The following PCDH9 variants were observed in gnomAD, a reference collection of about 807,000 sequenced individuals.
PCDH9 encodes the protein protocadherin-9.
PCDH9 carries 24 observed loss-of-function variants against 70.6 expected under a neutral mutation model. That is an observed-to-expected ratio of 0.34 (90% CI 0.25 to 0.48). The LOEUF is 0.48. Ranked by LOEUF, PCDH9 falls within the 20% of genes least tolerant of loss-of-function variation. The pLI, the probability that PCDH9 is intolerant of heterozygous loss-of-function variation, is 0.99. For synonymous variants in PCDH9, 562 were observed against 558.5 expected, an observed-to-expected ratio of 1.01 and a Z score of -0.09; for missense variants, 1,281 against 1,503.6, an observed-to-expected ratio of 0.85 and a Z score of 2.45.
At chr13:66,437,959 C>T (rs146828652) in intron 4 of PCDH9, among the ~76,000 whole-genome samples, 4 of 152,150 alleles carry the variant, frequency 2.6e-5, no homozygotes, top group African/African-American at 4.8e-5. Flanking sequence ...TAGGGCTGGG[C>T]GCGGTGGCTC....
intron 4 of PCDH9, among the ~76,000 whole-genome samples, chr13:66,445,393 C>T (rs547485703): frequency 3.4e-5 from 5 of 146,024 alleles, no homozygotes; most frequent in South Asian, 2.1e-4. Context: ...CATATATACA[C>T]GCTGTTCTAT....
chr13:66,902,878 T>C (rs898204718), intron 3 of PCDH9, among the ~76,000 whole-genome samples: 2 of 151,730 alleles, frequency 1.3e-5, no homozygotes, highest in Non-Finnish European at 3.0e-5. Flanking sequence ...TAATTGGCAC[T>C]GGAAAAACCC....
chr13:67,186,815 C>G (rs1264624832), intron 2 of PCDH9, among the ~76,000 whole-genome samples: 3 of 152,042 alleles, frequency 2.0e-5, no homozygotes, highest in African/African-American at 4.8e-5. Context: ...TAAATATACA[C>G]ATTAACTGAC....
chr13:67,124,391 T>C (rs1484754792), intron 2 of PCDH9, among the ~76,000 whole-genome samples: 5 of 152,190 alleles, frequency 3.3e-5, no homozygotes, highest in African/African-American at 1.2e-4. Context: ...CCAATATGTA[T>C]GCAGGAATAT....
intron 4 of PCDH9, among the ~76,000 whole-genome samples, chr13:66,468,269 A>C (rs981163873): frequency 3.9e-5 from 6 of 152,014 alleles, no homozygotes; most frequent in Non-Finnish European, 8.8e-5. Flanking sequence ...CAATCTGTCA[A>C]CACCCCATCT....
At chr13:66,516,495 A>G (rs1157907981) in intron 4 of PCDH9, among the ~76,000 whole-genome samples, 1 of 152,118 alleles carries the variant, frequency 6.6e-6, no homozygotes, top group Non-Finnish European at 1.5e-5. Context: ...GCCAAATTAG[A>G]AAAGTTCTGA....
At chr13:66,620,226 C>T (rs1479133896) in intron 4 of PCDH9, among the ~76,000 whole-genome samples, 1 of 152,122 alleles carries the variant, frequency 6.6e-6, no homozygotes, top group African/African-American at 2.4e-5. Flanking sequence ...AAGTAAGTGA[C>T]AATTCATTTA....
Position 67,226,463 on chromosome 13 carries a change from T to G in PCDH9, c.1978A>C (p.Lys660Gln). 6.2e-7 allele frequency: 1 copy of G among 1,614,076 alleles called. No individual in the cohort carries two copies. Among genetic ancestry groups the G allele is most frequent in the South Asian group, 1.1e-5 (1 of 91,070 alleles). Residue 660 changes from lysine (K) to glutamine (Q), a missense_variant, in exon 2 of 5, where the codon AAA (lysine) becomes CAA (glutamine). Coordinates refer to ENST00000377865, the MANE Select transcript of PCDH9 (RefSeq NM_203487.3). The surrounding 1 kb of genome is among the most constrained non-coding windows in gnomAD (Gnocchi z 5.0). ...GGQPPRSSTA[K>Q]VTINVMDVND... The stretch of plus-strand genomic sequence containing the variant: ...ACATCCATGACGTTGATAGTTACTT[T>G]TGCAGTAGAGGAACGAGGTGGTTGT...
At chr13:66,326,581 G>A (rs1446271524) in intron 4 of PCDH9, among the ~76,000 whole-genome samples, 1 of 151,962 alleles carries the variant, frequency 6.6e-6, no homozygotes, top group Admixed American at 6.6e-5. Context: ...ACCACGCCCG[G>A]ATGATTTTTT....
intron 4 of PCDH9, among the ~76,000 whole-genome samples, chr13:66,357,690 G>C (rs552209632): frequency 3.3e-5 from 5 of 151,974 alleles, no homozygotes; most frequent in Non-Finnish European, 7.4e-5. Context: ...TACACTGCAA[G>C]ACCGTGACGA....
At chr13:66,965,622 T>C (rs2083421973) in intron 2 of PCDH9, among the ~76,000 whole-genome samples, 1 of 152,062 alleles carries the variant, frequency 6.6e-6, no homozygotes, top group African/African-American at 2.4e-5. Context: ...GTCGGGGCCA[T>C]CACATCTTAG....
intron 4 of PCDH9, among the ~76,000 whole-genome samples, chr13:66,499,866 G>A (rs1959167625): frequency 6.6e-6 from 1 of 152,130 alleles, no homozygotes; most frequent in South Asian, 2.1e-4. Flanking sequence ...CAAGAGAGCT[G>A]GTTGTTTCAG....
chr13:66,977,493 T>G (rs967150605), intron 2 of PCDH9: 1 of 152,136 alleles, frequency 6.6e-6, no homozygotes, highest in Non-Finnish European at 1.5e-5. Context: ...CTACTTAAGA[T>G]TCTGTTGTCT....
intron 3 of PCDH9, among the ~76,000 whole-genome samples, chr13:66,853,305 C>A (rs2081344725): frequency 1.3e-5 from 2 of 151,826 alleles, no homozygotes; most frequent in Admixed American, 1.3e-4. Context: ...AGGAATCTTT[C>A]TGGTCTCCAT....
intron 4 of PCDH9, among the ~76,000 whole-genome samples, chr13:66,344,419 C>A (rs1357230882): frequency 6.6e-6 from 1 of 152,280 alleles, no homozygotes; most frequent in East Asian, 1.9e-4. Context: ...AGCTACCATG[C>A]CCGGCCAATA....
intron 4 of PCDH9, among the ~76,000 whole-genome samples, chr13:66,595,062 C>T (rs1321611847): frequency 1.3e-5 from 2 of 151,210 alleles, no homozygotes; most frequent in Admixed American, 6.6e-5. Context: ...CACACACACA[C>T]ACAAACACAC....
At chr13:66,787,599 G>T (rs907244909) in intron 3 of PCDH9, among the ~76,000 whole-genome samples, 5 of 151,758 alleles carry the variant, frequency 3.3e-5, no homozygotes, top group African/African-American at 1.2e-4. Context: ...CTGGGTGACA[G>T]AGCAATACTC....
intron 2 of PCDH9, among the ~76,000 whole-genome samples, chr13:67,064,898 A>AGAT (rs1429282442): frequency 7.5e-6 from 1 of 132,910 alleles, no homozygotes; most frequent in Non-Finnish European, 1.7e-5. Context: ...GGAAATAGAT[A>AGAT]GATAGATAGA....
chr13:66,784,378 G>A (rs968433533), intron 3 of PCDH9, among the ~76,000 whole-genome samples: 1 of 152,054 alleles, frequency 6.6e-6, no homozygotes, highest in African/African-American at 2.4e-5. Flanking sequence ...ATGCAGTGTA[G>A]AGTTGTAAAA....
Sources: gnomAD v4.1 joint callset for allele counts (sites outside exome capture counted in the v4.1 genomes callset) on GRCh38, gnomAD v4.1.1 for gene constraint, Gnocchi (gnomAD v3.1) non-coding constraint, MANE v1.5 for transcripts, NCBI Gene and HGNC (gene_info 2026-07-23, HGNC 2026-07-21) for gene names.